SLC4A2: variants seen among roughly 807,000 people sequenced by gnomAD.
The protein encoded by SLC4A2 is anion exchange protein 2.
In SLC4A2, 36 loss-of-function variants were observed where a neutral mutation model predicts 115.0. That is an observed-to-expected ratio of 0.31 (90% CI 0.24 to 0.41). The LOEUF (loss-of-function observed/expected upper bound fraction) is 0.41. Ranked by LOEUF, SLC4A2 falls within the 10% of genes least tolerant of loss-of-function variation. The probability of loss-of-function intolerance (pLI) is 1.00; values close to 1 mark genes in which losing one functional copy is unlikely to be tolerated. For missense variants in SLC4A2, 1,252 were observed against 1,705.6 expected (o/e 0.73, Z 4.68); for synonymous variants, 708 against 708.3 (o/e 1.00, Z 0.01).
Position 151,071,737 on chromosome 7 carries a change from C to T in SLC4A2, c.2240C>T (p.Thr747Ile). ...GGGGTGTCGGAGCTGATTATGTCCA[C>T]AGCGCTCCAGGGCGTGGTCTTCTGC... Reference protein sequence around the residue: ...LIGVSELIMSTALQGVVFCLL... With the variant: ...LIGVSELIMSIALQGVVFCLL... The change falls in exon 15 of 23, where the codon ACA becomes ATA. Residue 747 changes from threonine (T) to isoleucine (I), a missense_variant. By Grantham distance (89) the Thr-to-Ile change is moderately conservative. Transcript: ENST00000413384. The surrounding 1 kb of genome is among the most constrained non-coding windows in gnomAD (Gnocchi z 5.5). 6.2e-7 allele frequency: 1 copy of T among 1,612,546 alleles called. No homozygotes were observed. The highest frequency in any genetic ancestry group is 8.5e-7 in the Non-Finnish European group (1 of 1,179,456).
chr7:151,069,868 A>G (rs1466849846), intron 8 of SLC4A2, 79 bp from the exon 9 acceptor site: 5 of 1,578,220 alleles, frequency 3.2e-6, no homozygotes, highest in Non-Finnish European at 4.3e-6. Context: ...ACCTGTCCCC[A>G]GCTCCTGCTC....
Position 151,071,399 on chromosome 7 carries a change from A to G in SLC4A2, c.1985A>G (p.Gln662Arg). 1 of 1,596,576 alleles carries G rather than the reference A, an allele frequency of 6.3e-7. No individual in the cohort carries two copies. Among genetic ancestry groups the G allele is most frequent in the Non-Finnish European group, 8.5e-7 (1 of 1,176,244 alleles). ...GAGGCCTGGGTTGCAGCGCTCCTGC[A>G]GATGGTAGAGGCGGCAGGGGCAGCT... ...PKSAQDKALL[Q>R]MVEAAGAAED... Residue 662 changes from glutamine to arginine, a missense_variant, in exon 14 of 23, where the codon CAG (glutamine) becomes CGG (arginine). Transcript: ENST00000413384. The surrounding 1 kb of genome is among the most constrained non-coding windows in gnomAD (Gnocchi z 5.5).
At chr7:151,070,699 C>G (rs751961779) in intron 11 of SLC4A2, 28 bp from the exon 12 acceptor site, 6 of 1,610,524 alleles carry the variant, frequency 3.7e-6, no homozygotes, top group South Asian at 3.3e-5. Context: ...CTGCTCTGCT[C>G]TTGCCCACGA....
Position 151,062,003 on chromosome 7 carries a change from C to G in SLC4A2, c.16C>G (p.Arg6Gly). 1 of 1,609,792 alleles carries G rather than the reference C, an allele frequency of 6.2e-7. No homozygotes were observed. Residue 6 changes from arginine to glycine, a missense_variant, in exon 2 of 23, where the codon CGG (arginine) becomes GGG (glycine). Around this residue, in one of 14 missense-constraint regions of SLC4A2, gnomAD observed 74 missense variants for 85.3 expected, o/e 0.87. Transcript: ENST00000413384. MSSAPRRPAKGADSFC... is the reference protein window; with the variant it reads MSSAPGRPAKGADSFC... ...AGATTCGGCCATGAGCAGCGCCCCT[C>G]GGCGCCCCGCCAAGGGCGCAGATTC...
At chr7:151,072,565 A>C (rs1425982150) in intron 16 of SLC4A2, among the ~76,000 whole-genome samples, 2 of 152,152 alleles carry the variant, frequency 1.3e-5, no homozygotes, top group Admixed American at 6.5e-5. Context: ...TGCTGGGATC[A>C]CAGGATTTAG....
At chr7:151,068,204 C>T (rs1022004492) in intron 8 of SLC4A2, 150 bp downstream of exon 8, 5 of 545,826 alleles carry the variant, frequency 9.2e-6, no homozygotes, top group Non-Finnish European at 1.2e-5. Context: ...GCATTTTCGG[C>T]CAGCAGCTTC....
At chr7:151,073,100 G>A (rs1404471966) in intron 16 of SLC4A2, among the ~76,000 whole-genome samples, 6 of 151,988 alleles carry the variant, frequency 3.9e-5, no homozygotes, top group Non-Finnish European at 7.4e-5. Flanking sequence ...GACTGCCGGC[G>A]GGCCCCACGC....
intron 16 of SLC4A2, among the ~76,000 whole-genome samples, chr7:151,072,684 G>A (rs1267297750): frequency 5.5e-5 from 8 of 144,820 alleles, no homozygotes; most frequent in Non-Finnish European, 4.5e-5. Context: ...GAGACAGAGT[G>A]TTGCTTTGTC....
At chr7:151,062,812 G>C in intron 2 of SLC4A2, 3 of 1,370,826 alleles carry the variant, frequency 2.2e-6, no homozygotes, top group Non-Finnish European at 2.8e-6. Context: ...CTCACAGAGG[G>C]GAGAAGCCAG....
intron 16 of SLC4A2, among the ~76,000 whole-genome samples, chr7:151,073,732 G>A (rs1797520343): frequency 6.6e-6 from 1 of 152,166 alleles, no homozygotes; most frequent in Non-Finnish European, 1.5e-5. Context: ...AGATGTGTGT[G>A]ACAGGCCACT....
chr7:151,066,888 C>T lies in SLC4A2; in HGVS notation c.861C>T (p.His287=), dbSNP rs1797254202. Residue 287 remains histidine, a synonymous_variant, in exon 7 of 23, where the codon CAC becomes CAT. Transcript: ENST00000413384. ...RFEDVPGVRR[H]LVRKNAKGST... Reference sequence around the variant, plus strand: ...AGGACGTTCCTGGGGTGCGGCGGCACTTGGTGCGGAAGAATGCCAAAGGTT... The same window carrying T: ...AGGACGTTCCTGGGGTGCGGCGGCATTTGGTGCGGAAGAATGCCAAAGGTT... The T allele has an allele frequency of 6.2e-7, 1 of 1,613,604 alleles. No homozygotes were observed. The highest frequency in any genetic ancestry group is 8.5e-7 in the Non-Finnish European group (1 of 1,179,830).
At position 151,066,595 on chromosome 7, in the gene SLC4A2, G is replaced by C. The variant is rs750110371; in HGVS notation, c.657G>C (p.Ser219=). 4 of 1,547,778 alleles carry C rather than the reference G, an allele frequency of 2.6e-6. No individual in the cohort carries two copies. The African/African-American group carries it at 5.5e-5, about 21-fold the overall frequency. Reference sequence around the variant, plus strand: ...CAGGGGGTGACGACGGGGGTGCCTCGGGGCGCCCCCTGCCCAAAGCCCAGC... The same window carrying C: ...CAGGGGGTGACGACGGGGGTGCCTCCGGGCGCCCCCTGCCCAAAGCCCAGC... The part of the protein sequence containing the change: ...GTAGGDDGGA[S]GRPLPKAQPG... The change falls in exon 6 of 23, where the codon TCG becomes TCC. Residue 219 remains serine, a synonymous_variant. Transcript: ENST00000413384.
At chr7:151,069,797 G>T in intron 8 of SLC4A2, 150 bp from the exon 9 acceptor site, 1 of 854,074 alleles carries the variant, frequency 1.2e-6, no homozygotes, top group Non-Finnish European at 1.9e-6. Context: ...TCCTGTGGGA[G>T]CCAGAACTCG....
upstream of SLC4A2, chr7:151,058,326 C>T (rs771528951): frequency 9.9e-6 from 2 of 201,816 alleles, no homozygotes; most frequent in Admixed American, 5.3e-5. Flanking sequence ...ATCCCGGGCA[C>T]TGGCGGCCCA....
chr7:151,070,124 C>A, intron 9 of SLC4A2, 42 bp downstream of exon 9: 1 of 1,613,954 alleles, frequency 6.2e-7, no homozygotes, highest in Non-Finnish European at 8.5e-7. Flanking sequence ...CTTCAGCCCA[C>A]CTGCCCTGGC....
intron 16 of SLC4A2, 66 bp downstream of exon 16, chr7:151,072,202 T>C (rs1797465235): frequency 6.9e-7 from 1 of 1,439,316 alleles, no homozygotes; most frequent in Non-Finnish European, 9.6e-7. Context: ...GGGAGTCTCT[T>C]GGTCCCATCC....
intron 16 of SLC4A2, among the ~76,000 whole-genome samples, chr7:151,073,108 C>T (rs976310878): frequency 5.3e-5 from 8 of 152,116 alleles, no homozygotes; most frequent in Non-Finnish European, 1.0e-4. Context: ...GCGGGCCCCA[C>T]GCCTGGCTAA....
At chr7:151,063,025 A>G in intron 2 of SLC4A2, 1 of 1,461,340 alleles carries the variant, frequency 6.8e-7, no homozygotes, top group Non-Finnish European at 9.0e-7. Flanking sequence ...GCTCTTGAGC[A>G]AATATTTGGC....
At position 151,076,000 on chromosome 7, in the gene SLC4A2, C is replaced by A; in HGVS notation, c.3472-13C>A. 1 of 1,571,970 alleles carries A rather than the reference C, an allele frequency of 6.4e-7. No individual in the cohort carries two copies. On this transcript the variant is annotated splice_polypyrimidine_tract_variant and intron_variant, in intron 21 of 22. Transcript: ENST00000413384. ...TAGGGAGGAAGCTGGGCTCACCTGT[C>A]TCCGCCCCCCAGGTCCGGACCCTCC... is the stretch of plus-strand genomic sequence containing the variant.
Sources: allele counts gnomAD v4.1 joint callset (sites outside exome capture counted in the v4.1 genomes callset), GRCh38; gene constraint gnomAD v4.1.1; regional missense constraint gnomAD v4.1.1; non-coding constraint Gnocchi (gnomAD v3.1); transcripts MANE v1.5; gene names NCBI Gene and HGNC (gene_info 2026-07-23, HGNC 2026-07-21).